ZFAND1: variants seen among roughly 807,000 people sequenced by gnomAD.
ZFAND1 encodes the protein zinc finger AN1-type containing 1.
ZFAND1 carries 40 observed loss-of-function variants against 38.5 expected under a neutral mutation model. That is an observed-to-expected ratio of 1.04 (90% confidence interval 0.81 to 1.35). ZFAND1 has a LOEUF of 1.35. Ranked by LOEUF, ZFAND1 falls within the 40% of genes most tolerant of loss-of-function variation. The pLI, the probability that ZFAND1 is intolerant of heterozygous loss-of-function variation, is 0.00. For missense variants in ZFAND1, 346 were observed against 316.3 expected (o/e 1.09, Z -0.71); for synonymous variants, 117 against 103.6 (o/e 1.13, Z -0.78).
chr8:81,706,370 C>CAAA (rs35031788), intron 6 of ZFAND1, among the ~76,000 whole-genome samples: 4,911 of 72,514 alleles, frequency 0.068, 326 homozygotes, highest in Non-Finnish European at 0.083. Context: ...GAAGGAGAAA[C>CAAA]AAAAAAAAAA....
chr8:81,715,813 T>A (rs1808291536), intron 3 of ZFAND1, among the ~76,000 whole-genome samples: 1 of 152,212 alleles, frequency 6.6e-6, no homozygotes, highest in Non-Finnish European at 1.5e-5. Context: ...AATTTAAGTA[T>A]CTTTTTGAAC....
intron 1 of ZFAND1, 98 bp from the exon 2 acceptor site, chr8:81,718,322 G>A: frequency 1.1e-6 from 1 of 903,740 alleles, no homozygotes. Context: ...TTCCCATTTT[G>A]ACTAATATCC....
At chr8:81,712,274 G>C (rs1276409303) in intron 6 of ZFAND1, among the ~76,000 whole-genome samples, 1 of 152,118 alleles carries the variant, frequency 6.6e-6, no homozygotes, top group African/African-American at 2.4e-5. Flanking sequence ...CAAATTCACA[G>C]TATATCTAAT....
intron 1 of ZFAND1, among the ~76,000 whole-genome samples, chr8:81,720,060 T>C (rs1052925143): frequency 2.0e-5 from 3 of 152,206 alleles, no homozygotes; most frequent in East Asian, 1.9e-4. Flanking sequence ...TAATCAATTA[T>C]GGAACTCCAC....
intron 6 of ZFAND1, 36 bp downstream of exon 6, chr8:81,713,882 G>A (rs1156288510): frequency 6.2e-7 from 1 of 1,608,772 alleles, no homozygotes; most frequent in African/African-American, 1.3e-5. Flanking sequence ...AACTATATTT[G>A]AAATTTTTGT....
At chr8:81,713,176 G>T (rs1585926100) in intron 6 of ZFAND1, among the ~76,000 whole-genome samples, 2 of 152,116 alleles carry the variant, frequency 1.3e-5, no homozygotes, top group African/African-American at 4.8e-5. Flanking sequence ...AGGCTGGAGT[G>T]CAGTGGTGCA....
At chr8:81,718,350 T>C (rs1045096974) in intron 1 of ZFAND1, 126 bp from the exon 2 acceptor site, 1 of 562,346 alleles carries the variant, frequency 1.8e-6, no homozygotes, top group East Asian at 3.1e-5. Context: ...GCAAGCACTA[T>C]GTAACCACTC....
At position 81,714,643 on chromosome 8, in the gene ZFAND1, A is replaced by G. The variant is rs111514086; in HGVS notation, c.358+161T>C. On this transcript the variant is annotated intron_variant, in intron 5 of 7. Transcript: ENST00000220669. ...ATTTCCAAATTTCCATCGGTCAGGT[A>G]GACCTCATAAGAAATACTGTCACAA... The G allele has an allele frequency of 2.5e-3, 1,627 of 645,576 alleles. 15 individuals are homozygous for G. The African/African-American group carries it at 0.026, about 10-fold the overall frequency. The allele number at this position is 645,576 out of a possible 1,614,324, so 40.0% of individuals were successfully genotyped here. A position where few individuals can be genotyped will look rare whatever the true frequency, so the allele number is the denominator to read the frequency against.
chr8:81,713,361 G>A (rs991511342), intron 6 of ZFAND1, among the ~76,000 whole-genome samples: 2 of 152,080 alleles, frequency 1.3e-5, no homozygotes, highest in Non-Finnish European at 2.9e-5. Context: ...CTGACCTCAT[G>A]ATCCACCCAT....
chr8:81,715,248 T>C (rs1808270079), intron 3 of ZFAND1, 134 bp from the exon 4 acceptor site: 1 of 859,832 alleles, frequency 1.2e-6, no homozygotes, highest in Non-Finnish European at 1.8e-6. Context: ...TCAAAGATTA[T>C]AAAGAATGTT....
At chr8:81,713,774 T>G in intron 6 of ZFAND1, 144 bp downstream of exon 6, 1 of 743,250 alleles carries the variant, frequency 1.3e-6, no homozygotes, top group Non-Finnish European at 2.1e-6. Context: ...AACTTTGTAT[T>G]ATTTATGCAG....
intron 6 of ZFAND1, among the ~76,000 whole-genome samples, chr8:81,704,993 A>C (rs1422030310): frequency 6.6e-6 from 1 of 152,206 alleles, no homozygotes; most frequent in Non-Finnish European, 1.5e-5. Flanking sequence ...AGGATCAAAA[A>C]TGAAACAGAA....
At chr8:81,719,729 A>G (rs1808418190) in intron 1 of ZFAND1, among the ~76,000 whole-genome samples, 1 of 152,192 alleles carries the variant, frequency 6.6e-6, no homozygotes, top group Admixed American at 6.5e-5. Flanking sequence ...CTAAATCTTA[A>G]CTGCTTTCCA....
intron 6 of ZFAND1, among the ~76,000 whole-genome samples, chr8:81,707,588 T>C (rs1438641922): frequency 6.6e-6 from 1 of 152,090 alleles, no homozygotes; most frequent in African/African-American, 2.4e-5. Context: ...ATAATAATCA[T>C]AACATTCAGA....
chr8:81,706,196 A>G (rs2932224), intron 6 of ZFAND1, among the ~76,000 whole-genome samples: 78,926 of 151,512 alleles, frequency 0.52, 21,634 homozygotes, highest in South Asian at 0.61. Flanking sequence ...AATAGATGAC[A>G]AAGTATATTA....
chr8:81,708,467 A>G (rs1261867495), intron 6 of ZFAND1, among the ~76,000 whole-genome samples: 1 of 152,132 alleles, frequency 6.6e-6, no homozygotes, highest in African/African-American at 2.4e-5. Context: ...AACATCTTTT[A>G]TAGTCTAGGA....
intron 1 of ZFAND1, among the ~76,000 whole-genome samples, chr8:81,719,998 T>C (rs79522539): frequency 0.04 from 6,109 of 152,274 alleles, 137 homozygotes; most frequent in East Asian, 0.086. Context: ...AACAAGAACC[T>C]AGAAGGGATT....
chr8:81,717,138 G>A (rs1430709975), intron 3 of ZFAND1, 111 bp downstream of exon 3: 4 of 831,768 alleles, frequency 4.8e-6, no homozygotes, highest in African/African-American at 1.8e-5. Context: ...AATCAGTTTA[G>A]TATGCCAAAC....
chr8:81,721,189 C>A, intron 1 of ZFAND1, 38 bp downstream of exon 1: 1 of 1,545,000 alleles, frequency 6.5e-7, no homozygotes, highest in Non-Finnish European at 8.7e-7. Context: ...CCCTGGTCTC[C>A]CGCGGCCGGG....
Sources: gnomAD v4.1 joint callset for allele counts (sites outside exome capture counted in the v4.1 genomes callset) on GRCh38, gnomAD v4.1.1 for gene constraint, MANE v1.5 for transcripts, NCBI Gene and HGNC (gene_info 2026-07-23, HGNC 2026-07-21) for gene names.